The following DNAJC5B variants were observed in gnomAD, a reference collection of about 807,000 sequenced individuals.
The protein encoded by DNAJC5B is DnaJ heat shock protein family (Hsp40) member C5 beta.
DNAJC5B carries 23 observed loss-of-function variants against 24.7 expected under a neutral mutation model. The observed-to-expected ratio is 0.93, with a 90% CI of 0.67 to 1.32. DNAJC5B has a LOEUF of 1.32. Ranked by LOEUF, DNAJC5B falls within the 40% of genes most tolerant of loss-of-function variation. DNAJC5B has a pLI of 0.00. For missense variants in DNAJC5B, 238 were observed against 240.8 expected (o/e 0.99, Z 0.08); for synonymous variants, 101 against 90.1 (o/e 1.12, Z -0.68).
intron 5 of DNAJC5B, among the ~76,000 whole-genome samples, chr8:66,099,331 C>T (rs556007198): frequency 6.6e-6 from 1 of 152,242 alleles, no homozygotes; most frequent in East Asian, 1.9e-4. Context: ...ACTCAGCACC[C>T]AAATCAAAGG....
chr8:66,026,542 CCT>C (rs1368815752), intron 1 of DNAJC5B, among the ~76,000 whole-genome samples: 1 of 152,262 alleles, frequency 6.6e-6, no homozygotes, highest in Non-Finnish European at 1.5e-5. Context: ...GCTGCCGTCC[CCT>C]GAGGCGCCTT....
chr8:66,080,565 G>C lies in DNAJC5B; in HGVS notation c.505+17G>C. The C allele has an allele frequency of 3.2e-6, 5 of 1,582,160 alleles. No individual in the cohort carries two copies. Among genetic ancestry groups the C allele is most frequent in the Non-Finnish European group, 3.4e-6 (4 of 1,163,450 alleles). On this transcript the variant is annotated intron_variant, in intron 5 of 5. Transcript: ENST00000276570. ...TGGAAAAAGGTGGGGTAGGATGAGAGCAGAGGTAGTGAGTGTCCATTCATA... is the reference window on the plus strand; with the variant it reads ...TGGAAAAAGGTGGGGTAGGATGAGACCAGAGGTAGTGAGTGTCCATTCATA...
Position 66,044,942 on chromosome 8 carries a change from T to TG in DNAJC5B, c.-18+1334dup, listed in dbSNP as rs574939322. 6.2e-4 allele frequency among the ~76,000 whole-genome samples: 94 copies of TG among 152,368 alleles called. 1 individual carries two copies. The South Asian group carries it at 0.012, about 19-fold the overall frequency. On this transcript the variant is annotated intron_variant, in intron 2 of 5. Coordinates refer to ENST00000276570, the MANE Select transcript of DNAJC5B (RefSeq NM_033105.6). Reference sequence around the variant, plus strand: ...TTATATAAGGAATTTTAAAAGGTTATGGGCCCACTATTTAAGGTTATTTAA... The same window carrying TG: ...TTATATAAGGAATTTTAAAAGGTTATGGGGCCCACTATTTAAGGTTATTTAA...
upstream of DNAJC5B, among the ~76,000 whole-genome samples, chr8:66,016,932 A>G (rs1805969212): frequency 6.6e-6 from 1 of 152,202 alleles, no homozygotes; most frequent in Admixed American, 6.5e-5. Context: ...GCACTTCCAA[A>G]ATATCAGACA....
At chr8:66,053,316 TC>T (rs1806892310) in intron 3 of DNAJC5B, among the ~76,000 whole-genome samples, 1 of 152,180 alleles carries the variant, frequency 6.6e-6, no homozygotes, top group African/African-American at 2.4e-5. Context: ...CTTGTGATAC[TC>T]TACCAGGAAG....
At chr8:66,090,220 G>A (rs996603370) in intron 5 of DNAJC5B, among the ~76,000 whole-genome samples, 1 of 151,252 alleles carries the variant, frequency 6.6e-6, no homozygotes, top group Non-Finnish European at 1.5e-5. Flanking sequence ...ATGGGACAAT[G>A]TATGTGTATG....
intron 3 of DNAJC5B, among the ~76,000 whole-genome samples, chr8:66,061,725 C>T (rs1807086453): frequency 1.3e-5 from 2 of 151,958 alleles, no homozygotes; most frequent in Admixed American, 6.6e-5. Context: ...TTTTAACATG[C>T]TGATGTTTAT....
At chr8:66,085,408 C>T (rs1396140950) in intron 5 of DNAJC5B, among the ~76,000 whole-genome samples, 2 of 151,946 alleles carry the variant, frequency 1.3e-5, no homozygotes, top group East Asian at 3.9e-4. Context: ...CCACTGCACT[C>T]CAGCCTGGGT....
At chr8:66,096,545 GGTTAT>G (rs1807957622) in intron 5 of DNAJC5B, among the ~76,000 whole-genome samples, 1 of 151,938 alleles carries the variant, frequency 6.6e-6, no homozygotes, top group Non-Finnish European at 1.5e-5. Context: ...TTGATTTTGA[GGTTAT>G]GTTATTAGTA....
chr8:66,075,109 C>T (rs1365428908), intron 3 of DNAJC5B, among the ~76,000 whole-genome samples: 1 of 151,998 alleles, frequency 6.6e-6, no homozygotes, highest in African/African-American at 2.4e-5. Context: ...CGCTGTCGCC[C>T]AGGCTGGAGT....
chr8:66,083,298 A>T (rs1807644549), intron 5 of DNAJC5B, among the ~76,000 whole-genome samples: 1 of 151,938 alleles, frequency 6.6e-6, no homozygotes, highest in Non-Finnish European at 1.5e-5. Flanking sequence ...GGTGTGAGCC[A>T]CCACACCTGG....
At chr8:66,035,876 G>A (rs1361119545) in intron 1 of DNAJC5B, among the ~76,000 whole-genome samples, 2 of 152,092 alleles carry the variant, frequency 1.3e-5, no homozygotes, top group African/African-American at 4.8e-5. Flanking sequence ...CTGCTCCTAG[G>A]GGACCTTCCC....
In DNAJC5B at chr8:66,073,959, T is replaced by C. The variant is rs1029361283; in HGVS notation, c.120-2701T>C. 6.2e-4 allele frequency among the ~76,000 whole-genome samples: 94 copies of C among 152,268 alleles called. 1 individual carries two copies. Among genetic ancestry groups the C allele is most frequent in the African/African-American group, 2.1e-3 (88 of 41,562 alleles). On this transcript the variant is annotated intron_variant, in intron 3 of 5. Transcript: ENST00000276570. ...ATTCAGTAAATTAAAAGAAAGAATT[T>C]GTGATTACCAAGAGATACCATAAAG...
At chr8:66,043,975 C>T (rs1806671952) in intron 2 of DNAJC5B, among the ~76,000 whole-genome samples, 2 of 151,862 alleles carry the variant, frequency 1.3e-5, no homozygotes, top group South Asian at 4.2e-4. Context: ...TACAGGCACC[C>T]GCTACCACAG....
chr8:66,035,341 C>G (rs1312619774), intron 1 of DNAJC5B, among the ~76,000 whole-genome samples: 1 of 152,166 alleles, frequency 6.6e-6, no homozygotes, highest in Non-Finnish European at 1.5e-5. Context: ...CTCTGGTGCC[C>G]GTGGATGTGG....
At chr8:66,046,479 G>A (rs993035785) in intron 2 of DNAJC5B, among the ~76,000 whole-genome samples, 2 of 152,140 alleles carry the variant, frequency 1.3e-5, no homozygotes, top group South Asian at 4.1e-4. Context: ...ACTAGTTGGG[G>A]GAAATTGTAA....
At chr8:66,031,991 A>G (rs1308350529) in intron 1 of DNAJC5B, among the ~76,000 whole-genome samples, 1 of 152,236 alleles carries the variant, frequency 6.6e-6, no homozygotes, top group Non-Finnish European at 1.5e-5. Context: ...AATTGCCACA[A>G]AGACCTCCCA....
intron 1 of DNAJC5B, among the ~76,000 whole-genome samples, chr8:66,041,199 G>A (rs1477446242): frequency 6.6e-6 from 1 of 152,190 alleles, no homozygotes. Context: ...AAATGATGTA[G>A]AGAGGTACTA....
At position 66,080,450 on chromosome 8, in the gene DNAJC5B, G is replaced by A; in HGVS notation, c.407G>A (p.Cys136Tyr). Residue 136 changes from cysteine (C) to tyrosine (Y), a missense_variant, in exon 5 of 6, where the codon TGC becomes TAC. Cys to Tyr is a radical substitution (Grantham distance 194, BLOSUM62 -2). Transcript: ENST00000276570. Reference protein sequence around the residue: ...CCCLCCCCNCCCGHCRPESSV... With the variant: ...CCCLCCCCNCYCGHCRPESSV... ...TGCCTGTGCTGCTGCTGCAACTGCT[G>A]CTGTGGACACTGCCGGCCCGAGTCA... 6 of 1,614,102 alleles carry A rather than the reference G, an allele frequency of 3.7e-6. No homozygotes were observed. Among genetic ancestry groups the A allele is most frequent in the Non-Finnish European group, 5.1e-6 (6 of 1,180,028 alleles).
Sources: allele counts gnomAD v4.1 joint callset (sites outside exome capture counted in the v4.1 genomes callset), GRCh38; gene constraint gnomAD v4.1.1; transcripts MANE v1.5; gene names NCBI Gene and HGNC (gene_info 2026-07-23, HGNC 2026-07-21).